The following CAMTA1 variants were observed in gnomAD, a reference collection of about 807,000 sequenced individuals.
CAMTA1 encodes the protein calmodulin binding transcription activator 1.
A neutral mutation model predicts 170.9 loss-of-function variants in CAMTA1; 27 were observed. That is an observed-to-expected ratio of 0.16 (90% CI 0.12 to 0.22). The LOEUF is 0.22. Ranked by LOEUF, CAMTA1 falls within the 10% of genes least tolerant of loss-of-function variation. CAMTA1 has a pLI of 1.00. For synonymous variants in CAMTA1, 833 were observed against 891.5 expected (o/e 0.93, Z 1.17); for missense variants, 1,619 against 2,217.2 (o/e 0.73, Z 5.42).
rs1684975172 is a variant in CAMTA1, at chr1:6,934,540, ACCCG to A, written c.234+109332_234+109335del. Among the ~76,000 whole-genome samples, 1 of 151,976 alleles carries A rather than the reference ACCCG, an allele frequency of 6.6e-6. No individual in the cohort carries two copies. The highest frequency in any genetic ancestry group is 1.5e-5 in the Non-Finnish European group (1 of 67,974). The stretch of plus-strand genomic sequence containing the variant: ...GAGAAAAGGAACTTGGCCACTGTGG[ACCCG>A]CTTGGGCTAGCTGCGTGTCTCTGTG... On this transcript the variant is annotated intron_variant, in intron 3 of 22. Coordinates refer to ENST00000303635, the MANE Select transcript of CAMTA1 (RefSeq NM_015215.4). This position sits in a 1 kb window ranked among gnomAD's most constrained non-coding sequence, Gnocchi z 4.5.
At chr1:6,975,855 C>A (rs184221101) in intron 3 of CAMTA1, among the ~76,000 whole-genome samples, 1 of 152,242 alleles carries the variant, frequency 6.6e-6, no homozygotes, top group Non-Finnish European at 1.5e-5. Context: ...TGCTTTCTAT[C>A]TCTATGGATC....
intron 3 of CAMTA1, among the ~76,000 whole-genome samples, chr1:7,049,175 T>TC (rs1209822553): frequency 6.6e-6 from 1 of 152,150 alleles, no homozygotes; most frequent in African/African-American, 2.4e-5. Context: ...ACAGGCTGGT[T>TC]CTGGGGTCTC....
intron 1 of CAMTA1, among the ~76,000 whole-genome samples, chr1:6,806,510 C>G (rs908642945): frequency 6.6e-6 from 1 of 152,098 alleles, no homozygotes; most frequent in African/African-American, 2.4e-5. Context: ...ACTCAGACAC[C>G]CAAGCATCTT....
intron 16 of CAMTA1, among the ~76,000 whole-genome samples, chr1:7,743,410 G>T (rs534028398): frequency 6.6e-6 from 1 of 152,128 alleles, no homozygotes; most frequent in Admixed American, 6.5e-5. Context: ...ATACAGCTGA[G>T]CAACCATCAC....
rs535800556 is a variant in CAMTA1 at position 7,398,763 on chromosome 1, A to C, written c.439-69067A>C. ...CTTTGAGGTTTGGTGATTTTCTATA[A>C]TAGTAAGCTTTGATTCCTTTCTCTT... On this transcript the variant is annotated intron_variant, in intron 5 of 22. Transcript: ENST00000303635. Among the ~76,000 whole-genome samples, 47 of 152,068 alleles carry C rather than the reference A, an allele frequency of 3.1e-4. 3 individuals carry two copies. The South Asian group carries it at 9.8e-3, about 32-fold the overall frequency.
Position 7,711,395 on chromosome 1 carries a change from G to A in CAMTA1, c.2915-21053G>A, listed in dbSNP as rs558112225. 6.6e-5 allele frequency among the ~76,000 whole-genome samples: 10 copies of A among 152,222 alleles called. 1 individual carries two copies. The highest frequency in any genetic ancestry group is 2.2e-4 in the African/African-American group (9 of 41,542). ...GCACTCCCCAAGGAAGAAGTAAGGTGCCCTGATCAGGGATGAAGGAAGGGA... is the reference window on the plus strand; with the variant it reads ...GCACTCCCCAAGGAAGAAGTAAGGTACCCTGATCAGGGATGAAGGAAGGGA... On this transcript the variant is annotated intron_variant, in intron 11 of 22. Transcript: ENST00000303635.
At chr1:7,022,636 G>C (rs1161807725) in intron 3 of CAMTA1, among the ~76,000 whole-genome samples, 1 of 152,186 alleles carries the variant, frequency 6.6e-6, no homozygotes, top group Non-Finnish European at 1.5e-5. Context: ...ACCTCCATCT[G>C]ATTGCAGGGT....
intron 4 of CAMTA1, among the ~76,000 whole-genome samples, chr1:7,214,859 CTT>C (rs1260135787): frequency 1.1e-4 from 9 of 81,698 alleles, no homozygotes; most frequent in Non-Finnish European, 1.2e-4. Flanking sequence ...TTCTTTCTTT[CTT>C]TTTTTTTTTT....
intron 5 of CAMTA1, among the ~76,000 whole-genome samples, chr1:7,341,361 C>T (rs2083816657): frequency 6.6e-6 from 1 of 152,222 alleles, no homozygotes; most frequent in Non-Finnish European, 1.5e-5. Flanking sequence ...AGCAGGTGAC[C>T]AGCCTGTGCA....
chr1:7,659,453 G>A (rs187323506), intron 7 of CAMTA1, among the ~76,000 whole-genome samples: 4 of 152,224 alleles, frequency 2.6e-5, no homozygotes, highest in East Asian at 1.9e-4. Context: ...AGAATCGCTT[G>A]AACTCAGGAG....
intron 16 of CAMTA1, among the ~76,000 whole-genome samples, chr1:7,744,193 G>A (rs1219327611): frequency 1.8e-4 from 26 of 144,892 alleles, no homozygotes; most frequent in Non-Finnish European, 3.4e-4. Flanking sequence ...GTGCAGTGGC[G>A]CGATCTTGGT....
At chr1:7,095,244 C>T (rs906037744) in intron 4 of CAMTA1, among the ~76,000 whole-genome samples, 6 of 152,214 alleles carry the variant, frequency 3.9e-5, no homozygotes, top group African/African-American at 1.4e-4. Context: ...ACCCCCAGCT[C>T]CTAGAACAGT....
At chr1:7,715,736 C>T (rs1030949049) in intron 11 of CAMTA1, among the ~76,000 whole-genome samples, 1 of 152,182 alleles carries the variant, frequency 6.6e-6, no homozygotes, top group East Asian at 1.9e-4. Flanking sequence ...GAGGATGACT[C>T]TGGTCTAGGG....
intron 11 of CAMTA1, among the ~76,000 whole-genome samples, chr1:7,711,703 A>G (rs546004564): frequency 1.3e-4 from 20 of 152,362 alleles, no homozygotes; most frequent in Admixed American, 7.8e-4. Flanking sequence ...TTAATCACCA[A>G]AGAATTTATT....
chr1:7,362,765 T>C (rs1026066361), intron 5 of CAMTA1, among the ~76,000 whole-genome samples: 2 of 145,610 alleles, frequency 1.4e-5, no homozygotes, highest in Non-Finnish European at 3.0e-5. Context: ...TTGAATAGAG[T>C]TAGTGGACTT....
chr1:7,128,609 C>G (rs546896413), intron 4 of CAMTA1, among the ~76,000 whole-genome samples: 75 of 152,006 alleles, frequency 4.9e-4, no homozygotes, highest in Non-Finnish European at 1.2e-4. Context: ...TTTGGGTTAC[C>G]TTATTTCTAA....
At chr1:7,396,945 C>T (rs2089362533) in intron 5 of CAMTA1, among the ~76,000 whole-genome samples, 1 of 152,038 alleles carries the variant, frequency 6.6e-6, no homozygotes, top group African/African-American at 2.4e-5. Flanking sequence ...TGTAGATTGG[C>T]CTGCAGTTTT....
intron 3 of CAMTA1, among the ~76,000 whole-genome samples, chr1:6,921,799 A>G (rs1412909824): frequency 6.6e-6 from 1 of 152,196 alleles, no homozygotes; most frequent in Non-Finnish European, 1.5e-5. Flanking sequence ...ATTCGCTATT[A>G]TAAGAACAGC....
chr1:6,870,977 G>C (rs1161844297), intron 3 of CAMTA1, among the ~76,000 whole-genome samples: 1 of 152,136 alleles, frequency 6.6e-6, no homozygotes, highest in Non-Finnish European at 1.5e-5. Context: ...GTCATGATTT[G>C]GGTGGTAGCT....
Sources: gnomAD v4.1 joint callset for allele counts (sites outside exome capture counted in the v4.1 genomes callset) on GRCh38, gnomAD v4.1.1 for gene constraint, Gnocchi (gnomAD v3.1) non-coding constraint, MANE v1.5 for transcripts, NCBI Gene and HGNC (gene_info 2026-07-23, HGNC 2026-07-21) for gene names.